The following TSHZ1 variants were observed in gnomAD, a reference collection of about 807,000 sequenced individuals.
TSHZ1 encodes the protein teashirt homolog 1.
A neutral mutation model predicts 67.1 loss-of-function variants in TSHZ1; 12 were observed. That is an observed-to-expected ratio of 0.18 (90% CI 0.11 to 0.29). The LOEUF (loss-of-function observed/expected upper bound fraction) is 0.29. TSHZ1 is among the 10% of genes least tolerant of loss of function. The pLI, the probability that TSHZ1 is intolerant of heterozygous loss-of-function variation, is 1.00. For missense variants in TSHZ1, 1,305 were observed against 1,413.9 expected (o/e 0.92, Z 1.23); for synonymous variants, 632 against 622.4 (o/e 1.02, Z -0.23).
chr18:75,287,155 A>G lies in TSHZ1; in HGVS notation c.1748A>G (p.Tyr583Cys). Residue 583 changes from tyrosine (Y) to cysteine (C), a missense_variant, in exon 2 of 2, where the codon TAC becomes TGC. Around this residue, in one of 3 missense-constraint regions of TSHZ1, gnomAD observed 909 missense variants for 961.8 expected, o/e 0.95. Coordinates refer to ENST00000580243, the MANE Select transcript of TSHZ1 (RefSeq NM_001308210.2). The surrounding 1 kb of genome is among the most constrained non-coding windows in gnomAD (Gnocchi z 5.0). ...WGGYPSIHAA[Y>C]QLPGTVKPLP... ...GGCTACCCCAGCATCCATGCAGCCT[A>G]CCAGCTCCCGGGCACCGTGAAGCCA... The G allele has an allele frequency of 6.2e-7, 1 of 1,613,900 alleles. No individual in the cohort carries two copies. The highest frequency in any genetic ancestry group is 8.5e-7 in the Non-Finnish European group (1 of 1,179,962).
chr18:75,241,588 A>G (rs1862190746), intron 1 of TSHZ1, among the ~76,000 whole-genome samples: 1 of 152,198 alleles, frequency 6.6e-6, no homozygotes, highest in South Asian at 2.1e-4. Context: ...TACCTGGGCT[A>G]CTAATGTTTA....
At chr18:75,250,786 T>C (rs1467598504) in intron 1 of TSHZ1, among the ~76,000 whole-genome samples, 2 of 152,174 alleles carry the variant, frequency 1.3e-5, no homozygotes, top group Admixed American at 6.5e-5. Flanking sequence ...GGGTCAACAG[T>C]GGCTTGATGT....
At chr18:75,220,504 C>G (rs1442786017) in intron 1 of TSHZ1, among the ~76,000 whole-genome samples, 2 of 152,154 alleles carry the variant, frequency 1.3e-5, no homozygotes, top group Admixed American at 1.3e-4. Flanking sequence ...TTGGTACTTC[C>G]TTCATTAAAT....
rs912367442 is a variant in TSHZ1, at chr18:75,287,222, T to C, written c.1815T>C (p.Tyr605=). 3.1e-6 allele frequency: 5 copies of C among 1,613,782 alleles called. No individual in the cohort carries two copies. The African/African-American group carries it at 5.3e-5, about 17-fold the overall frequency. ...AVQSVQVQPS[Y]AGGVKSLSSA... ...AGAGCGTGCAGGTGCAGCCGTCCTA[T>C]GCTGGCGGCGTGAAGTCGCTGTCTT... The change falls in exon 2 of 2, where the codon TAT becomes TAC. Residue 605 remains tyrosine, a synonymous_variant. Coordinates refer to ENST00000580243, the MANE Select transcript of TSHZ1 (RefSeq NM_001308210.2). The surrounding 1 kb of genome is among the most constrained non-coding windows in gnomAD (Gnocchi z 5.0).
chr18:75,242,730 G>A (rs1220573964), intron 1 of TSHZ1, among the ~76,000 whole-genome samples: 2 of 152,244 alleles, frequency 1.3e-5, no homozygotes, highest in African/African-American at 2.4e-5. Context: ...TCAGCAGTGA[G>A]CAGTGGTGAC....
At position 75,229,671 on chromosome 18, in the gene TSHZ1, G is replaced by A. The variant is rs182231891; in HGVS notation, c.40+17755G>A. 7.2e-5 allele frequency among the ~76,000 whole-genome samples: 11 copies of A among 152,368 alleles called. No homozygotes were observed. The South Asian group carries it at 1.9e-3, about 26-fold the overall frequency. On this transcript the variant is annotated intron_variant, in intron 1 of 1. Transcript: ENST00000580243. ...CAGTCTGTGACATGCGGTCTATGAC[G>A]TGCCGACCCTGGGTGCTGGCGATAG...
chr18:75,211,955 C>T (rs1416508845), intron 1 of TSHZ1, 39 bp downstream of exon 1: 2 of 1,201,380 alleles, frequency 1.7e-6, no homozygotes, highest in Non-Finnish European at 2.1e-6. Flanking sequence ...GAGTGGGCGC[C>T]GGGAGGAGCA....
chr18:75,266,647 T>TA (rs1434424975), intron 1 of TSHZ1, among the ~76,000 whole-genome samples: 1 of 152,228 alleles, frequency 6.6e-6, no homozygotes, highest in African/African-American at 2.4e-5. Flanking sequence ...TTGAACAGCT[T>TA]AAATTTTCTT....
intron 1 of TSHZ1, among the ~76,000 whole-genome samples, chr18:75,214,603 A>G (rs1466709434): frequency 1.3e-5 from 2 of 152,106 alleles, no homozygotes; most frequent in Non-Finnish European, 2.9e-5. Flanking sequence ...TCTTAGTGTC[A>G]AATAATTGAT....
Position 75,285,870 on chromosome 18 carries a change from G to GAC in TSHZ1, c.463_464insAC (p.Ala155AspfsTer108). 6.3e-7 allele frequency: 1 copy of GAC among 1,581,558 alleles called. No homozygotes were observed. The highest frequency in any genetic ancestry group is 8.6e-7 in the Non-Finnish European group (1 of 1,163,048). ...CGATGCCAGCCAGAAGGAGAGCTCC[G>GAC]CCCCCACCCCCACACCCCCCACCTG... On this transcript the variant is annotated frameshift_variant, in exon 2 of 2. Transcript: ENST00000580243. LOFTEE classifies it high-confidence loss of function.
At chr18:75,280,234 A>AG (rs1315992856) in intron 1 of TSHZ1, among the ~76,000 whole-genome samples, 1 of 152,254 alleles carries the variant, frequency 6.6e-6, no homozygotes, top group Non-Finnish European at 1.5e-5. Flanking sequence ...TGTGTGTAAA[A>AG]GGACATCTTG....
chr18:75,262,469 C>T (rs1158489665), intron 1 of TSHZ1, among the ~76,000 whole-genome samples: 2 of 152,202 alleles, frequency 1.3e-5, no homozygotes. Context: ...TATATAGACA[C>T]GGAGAGTGTG....
chr18:75,250,857 G>C (rs1471417176), intron 1 of TSHZ1, among the ~76,000 whole-genome samples: 1 of 152,204 alleles, frequency 6.6e-6, no homozygotes, highest in East Asian at 1.9e-4. Flanking sequence ...GGAGGGCGGA[G>C]GCCTGGCCGC....
chr18:75,274,513 G>C (rs1160657581), intron 1 of TSHZ1, among the ~76,000 whole-genome samples: 1 of 152,108 alleles, frequency 6.6e-6, no homozygotes, highest in East Asian at 1.9e-4. Context: ...TTAATCACTA[G>C]AAATAAGCAT....
At chr18:75,265,746 T>C (rs1457578884) in intron 1 of TSHZ1, among the ~76,000 whole-genome samples, 1 of 152,208 alleles carries the variant, frequency 6.6e-6, no homozygotes, top group African/African-American at 2.4e-5. Context: ...ACGAGACCCC[T>C]TCCAAGCTCA....
chr18:75,252,151 TTTG>T (rs1397993319), intron 1 of TSHZ1, among the ~76,000 whole-genome samples: 1 of 152,260 alleles, frequency 6.6e-6, no homozygotes, highest in African/African-American at 2.4e-5. Flanking sequence ...AGTATCCCAT[TTTG>T]TTGTTATGCA....
At chr18:75,231,816 G>T (rs754257352) in intron 1 of TSHZ1, among the ~76,000 whole-genome samples, 1 of 152,066 alleles carries the variant, frequency 6.6e-6, no homozygotes, top group Non-Finnish European at 1.5e-5. Flanking sequence ...TTGATGATAG[G>T]TGTGTTCCAC....
At chr18:75,213,735 C>T (rs1320520975) in intron 1 of TSHZ1, among the ~76,000 whole-genome samples, 1 of 151,972 alleles carries the variant, frequency 6.6e-6, no homozygotes, top group Non-Finnish European at 1.5e-5. Context: ...GACTTTTTTC[C>T]AATATTGATT....
intron 1 of TSHZ1, among the ~76,000 whole-genome samples, chr18:75,232,479 G>C (rs2023012623): frequency 6.6e-6 from 1 of 152,202 alleles, no homozygotes; most frequent in Non-Finnish European, 1.5e-5. Context: ...TTAATTTGGA[G>C]TTAGGTTTGT....
Sources: allele counts gnomAD v4.1 joint callset (sites outside exome capture counted in the v4.1 genomes callset), GRCh38; gene constraint gnomAD v4.1.1; regional missense constraint gnomAD v4.1.1; non-coding constraint Gnocchi (gnomAD v3.1); transcripts MANE v1.5; gene names NCBI Gene and HGNC (gene_info 2026-07-23, HGNC 2026-07-21).